The following DNAH6 variants were observed in gnomAD, a reference collection of about 807,000 sequenced individuals.
DNAH6 encodes the protein dynein axonemal heavy chain 6.
A neutral mutation model predicts 491.4 loss-of-function variants in DNAH6; 340 were observed. The ratio of observed to expected loss-of-function variants is 0.69; its 90% CI spans 0.63 to 0.76. The LOEUF (loss-of-function observed/expected upper bound fraction) is 0.76. Ranked by LOEUF, DNAH6 falls within the 30% of genes least tolerant of loss-of-function variation. DNAH6 has a pLI of 0.00. For missense variants in DNAH6, 4,443 were observed against 4,972.2 expected (o/e 0.89, Z 3.20); for synonymous variants, 1,603 against 1,686.1 (o/e 0.95, Z 1.21).
At chr2:84,484,261 C>G in the DNAH6 span, among the ~76,000 whole-genome samples, 2 of 152,236 alleles carry the variant, frequency 1.3e-5, no homozygotes, top group African/African-American at 4.8e-5. Flanking sequence ...CCCTAGATCC[C>G]TAGTCAATCT....
In DNAH6 at chr2:84,713,214, G is replaced by A. The variant is rs1697219015; in HGVS notation, c.9498G>A (p.Arg3166=). The A allele has an allele frequency of 1.3e-6, 2 of 1,551,976 alleles. No homozygotes were observed. The highest frequency in any genetic ancestry group is 2.0e-5 in the Admixed American group (1 of 50,986). ...DSDIDYDKNF[R]FYMTTKMPNP... ...ACATTGATTATGACAAAAACTTTAGGTTCTATATGACAACCAAAATGCCAA... is the reference window on the plus strand; with the variant it reads ...ACATTGATTATGACAAAAACTTTAGATTCTATATGACAACCAAAATGCCAA... Residue 3166 remains arginine, a synonymous_variant, in exon 57 of 77, where the codon AGG becomes AGA. Coordinates refer to ENST00000389394, the MANE Select transcript of DNAH6 (RefSeq NM_001370.2).
At chr2:84,689,497 A>G (rs1694632413) in intron 45 of DNAH6, among the ~76,000 whole-genome samples, 3 of 152,312 alleles carry the variant, frequency 2.0e-5, no homozygotes. Flanking sequence ...GTCTCTCGGC[A>G]TGGCAGCATC....
chr2:84,666,485 G>A lies in DNAH6; in HGVS notation c.6085-2804G>A, dbSNP rs547884986. Among the ~76,000 whole-genome samples the A allele has an allele frequency of 4.6e-5, 7 of 152,172 alleles. 1 individual carries two copies. In the South Asian group the frequency reaches 8.3e-4, roughly 18 times the overall value. ...AGACAAACAGAGAGCCAAATCATGC[G>A]TGAGCTCCCATTCACAATTGCTTCA... On this transcript the variant is annotated intron_variant, in intron 37 of 76. Transcript: ENST00000389394.
chr2:84,516,473 T>A (rs1675601584), upstream of DNAH6: 1 of 152,216 alleles, frequency 6.6e-6, no homozygotes, highest in Non-Finnish European at 1.5e-5. Context: ...AGAGGCCAGC[T>A]GGTTGCTACG....
chr2:84,509,267 A>T, the DNAH6 span, among the ~76,000 whole-genome samples: 165 of 152,266 alleles, frequency 1.1e-3, 3 homozygotes, highest in East Asian at 0.03. Flanking sequence ...TTGGGTGCAT[A>T]TACAGGATAT....
chr2:84,687,393 A>G (rs145336104), intron 44 of DNAH6, among the ~76,000 whole-genome samples: 17 of 152,288 alleles, frequency 1.1e-4, no homozygotes, highest in South Asian at 4.1e-4. Context: ...CAGGCTCTCA[A>G]TCAATGCTGG....
At chr2:84,486,047 G>T in the DNAH6 span, among the ~76,000 whole-genome samples, 1 of 152,108 alleles carries the variant, frequency 6.6e-6, no homozygotes, top group Non-Finnish European at 1.5e-5. Context: ...TTGTTAAAAA[G>T]GAGTTAAAAC....
rs775569382 is a variant in DNAH6, at chr2:84,517,808, A to G, written c.-8-11A>G. The G allele has an allele frequency of 6.5e-6, 10 of 1,541,114 alleles. No individual in the cohort carries two copies. The highest frequency in any genetic ancestry group is 1.2e-5 in the South Asian group (1 of 83,068). On this transcript the variant is annotated splice_polypyrimidine_tract_variant and intron_variant, in intron 1 of 76. Transcript: ENST00000389394. ...CTTTTCATTTTCTTTTTCCTCACCT[A>G]TTCTTTTCAGGAGTAAGGATGACTT...
chr2:84,749,109 G>A (rs540583295), intron 63 of DNAH6, among the ~76,000 whole-genome samples: 12 of 152,198 alleles, frequency 7.9e-5, no homozygotes, highest in South Asian at 6.2e-4. Flanking sequence ...CCCAAACACC[G>A]CCCACTAGGC....
At chr2:84,610,033 C>T (rs1686175409) in intron 21 of DNAH6, among the ~76,000 whole-genome samples, 1 of 152,132 alleles carries the variant, frequency 6.6e-6, no homozygotes, top group Non-Finnish European at 1.5e-5. Flanking sequence ...CACAAGGTTG[C>T]AATCAAGATG....
intron 40 of DNAH6, 140 bp from the exon 41 acceptor site, chr2:84,676,865 T>G: frequency 1.1e-6 from 1 of 921,034 alleles, no homozygotes; most frequent in Non-Finnish European, 1.6e-6. Flanking sequence ...TCTCTTGGAG[T>G]GATTGTGAGA....
intron 41 of DNAH6, among the ~76,000 whole-genome samples, chr2:84,679,033 A>G (rs1693523147): frequency 6.6e-6 from 1 of 152,136 alleles, no homozygotes; most frequent in Admixed American, 6.5e-5. Context: ...GTCCTTCATT[A>G]CTGTTTGGAG....
intron 11 of DNAH6, among the ~76,000 whole-genome samples, chr2:84,569,555 G>A (rs961158033): frequency 1.7e-4 from 26 of 152,102 alleles, no homozygotes; most frequent in African/African-American, 4.1e-4. Context: ...TGTATTTCAA[G>A]TGAAATACAT....
chr2:84,731,347 G>C (rs1024604026), intron 61 of DNAH6, among the ~76,000 whole-genome samples: 1 of 152,216 alleles, frequency 6.6e-6, no homozygotes, highest in Non-Finnish European at 1.5e-5. Context: ...GTAGCCAAAA[G>C]GTGGGGCTGC....
chr2:84,698,963 C>G (rs568652779), intron 47 of DNAH6, among the ~76,000 whole-genome samples: 1 of 152,220 alleles, frequency 6.6e-6, no homozygotes, highest in South Asian at 2.1e-4. Flanking sequence ...CCTGTTCTCA[C>G]TTATAGCTAA....
chr2:84,713,079 T>G lies in DNAH6; in HGVS notation c.9379-16T>G. The G allele has an allele frequency of 6.5e-7, 1 of 1,545,092 alleles. No individual in the cohort carries two copies. The highest frequency in any genetic ancestry group is 1.4e-5 in the African/African-American group (1 of 72,514). On this transcript the variant is annotated splice_polypyrimidine_tract_variant and intron_variant, in intron 56 of 76. Transcript: ENST00000389394. The stretch of plus-strand genomic sequence containing the variant: ...TGCTTCTTTTTGTATTGTCCTGTTT[T>G]GTTTTAATTTCTAAGCTTAAGGAAA...
In DNAH6 at chr2:84,528,910, C is replaced by T. The variant is rs1324649270; in HGVS notation, c.406C>T (p.Arg136Trp). The T allele has an allele frequency of 1.7e-5, 26 of 1,538,590 alleles. No homozygotes were observed. The highest frequency in any genetic ancestry group is 2.0e-5 in the Non-Finnish European group (23 of 1,141,528). ...AAAAATTGGCTTTGTTTAGATTCAT[C>T]GGCCCTATGTTGAGGTGTTCTCTCC... is the stretch of plus-strand genomic sequence containing the variant. ...QDAVKKMQIH[R>W]PYVEVFSPSP... The change falls in exon 4 of 77, where the codon CGG (arginine) becomes TGG (tryptophan). Residue 136 changes from arginine (R) to tryptophan (W), a missense_variant. Arg to Trp is a moderately radical substitution (Grantham distance 101). Around this residue, in one of 3 missense-constraint regions of DNAH6, gnomAD observed 2,977 missense variants for 3,296.6 expected, o/e 0.90. Transcript: ENST00000389394.
chr2:84,533,276 G>A (rs1350928299), intron 4 of DNAH6, among the ~76,000 whole-genome samples: 2 of 152,026 alleles, frequency 1.3e-5, no homozygotes, highest in African/African-American at 4.8e-5. Context: ...CTTTTCCATG[G>A]TCATACAGTG....
chr2:84,684,133 G>C (rs1694062227), intron 42 of DNAH6, among the ~76,000 whole-genome samples: 1 of 152,134 alleles, frequency 6.6e-6, no homozygotes, highest in Non-Finnish European at 1.5e-5. Flanking sequence ...AAAATAATTT[G>C]TTTTCTCTTC....
Sources: allele counts gnomAD v4.1 joint callset (sites outside exome capture counted in the v4.1 genomes callset), GRCh38; gene constraint gnomAD v4.1.1; regional missense constraint gnomAD v4.1.1; transcripts MANE v1.5; gene names NCBI Gene and HGNC (gene_info 2026-07-23, HGNC 2026-07-21).